SOX6: variants seen among roughly 807,000 people sequenced by gnomAD.
SOX6 encodes transcription factor SOX-6.
A neutral mutation model predicts 97.8 loss-of-function variants in SOX6; 11 were observed. That is an observed-to-expected ratio of 0.11 (90% CI 0.07 to 0.19). SOX6 has a LOEUF of 0.19. Ranked by LOEUF, SOX6 falls within the 10% of genes least tolerant of loss-of-function variation. The pLI, the probability that SOX6 is intolerant of heterozygous loss-of-function variation, is 1.00. For missense variants in SOX6, 810 were observed against 1,039.5 expected, an observed-to-expected ratio of 0.78 and a Z score of 3.04; for synonymous variants, 360 against 371.4, an observed-to-expected ratio of 0.97 and a Z score of 0.35.
At position 16,266,611 on chromosome 11, in the gene SOX6, T is replaced by G. The variant is rs934822292; in HGVS notation, c.446-31940A>C. 2.6e-5 allele frequency among the ~76,000 whole-genome samples: 4 copies of G among 151,710 alleles called. No individual in the cohort carries two copies. In the East Asian group the frequency reaches 7.7e-4, roughly 29 times the overall value. ...TCAATGTATTTTAAGATTTATAAGA[T>G]AAGTAGAATCCAAATGTATAACAAC... On this transcript the variant is annotated intron_variant, in intron 3 of 15. Coordinates refer to ENST00000683767, the MANE Select transcript of SOX6 (RefSeq NM_001367873.1).
At chr11:16,121,741 T>C (rs781743652) in intron 6 of SOX6, among the ~76,000 whole-genome samples, 12 of 152,032 alleles carry the variant, frequency 7.9e-5, no homozygotes, top group Admixed American at 2.0e-4. Flanking sequence ...GGATGATAAA[T>C]GTTAATTAAA....
At chr11:16,388,026 G>T (rs1274217586) in intron 1 of SOX6, among the ~76,000 whole-genome samples, 1 of 152,086 alleles carries the variant, frequency 6.6e-6, no homozygotes, top group Non-Finnish European at 1.5e-5. Context: ...CCTATCTTGG[G>T]AAGAAAGCAT....
At chr11:16,734,215 C>T (rs961064805) in intron 2 of SOX6, among the ~76,000 whole-genome samples, 8 of 152,018 alleles carry the variant, frequency 5.3e-5, no homozygotes, top group African/African-American at 1.9e-4. Flanking sequence ...ATCTGCCTGC[C>T]CAATGGACAG....
intron 1 of SOX6, among the ~76,000 whole-genome samples, chr11:16,469,426 G>A (rs564633476): frequency 1.3e-5 from 2 of 152,206 alleles, no homozygotes; most frequent in East Asian, 3.9e-4. Context: ...TGTTAAGACA[G>A]ACAAAGCAAA....
chr11:16,497,597 A>G (rs1860623309), intron 4 of SOX6, among the ~76,000 whole-genome samples: 1 of 152,184 alleles, frequency 6.6e-6, no homozygotes, highest in Non-Finnish European at 1.5e-5. Context: ...GCTAACTAGA[A>G]TAACCAATGT....
chr11:16,281,283 C>T (rs1327780275), intron 3 of SOX6, among the ~76,000 whole-genome samples: 1 of 151,994 alleles, frequency 6.6e-6, no homozygotes, highest in East Asian at 1.9e-4. Context: ...TGTGTATGGT[C>T]ATTGCTACCC....
chr11:16,371,610 G>A (rs573575871), intron 1 of SOX6, among the ~76,000 whole-genome samples: 1 of 152,096 alleles, frequency 6.6e-6, no homozygotes, highest in East Asian at 1.9e-4. Context: ...AAACACTGTT[G>A]AATAAAATTC....
chr11:16,048,954 T>C (rs1847612745), intron 11 of SOX6, among the ~76,000 whole-genome samples: 1 of 152,284 alleles, frequency 6.6e-6, no homozygotes, highest in African/African-American at 2.4e-5. Flanking sequence ...CACTTATATA[T>C]GTACATGTAT....
chr11:16,365,478 A>T (rs916342737), intron 1 of SOX6, among the ~76,000 whole-genome samples: 1 of 152,132 alleles, frequency 6.6e-6, no homozygotes, highest in African/African-American at 2.4e-5. Flanking sequence ...CACCAACCAC[A>T]AAAACAACAT....
chr11:16,096,145 A>G, intron 8 of SOX6, 27 bp from the exon 9 acceptor site: 1 of 1,609,374 alleles, frequency 6.2e-7, no homozygotes, highest in Admixed American at 1.7e-5. Context: ...TCAGAAAAAA[A>G]AAAAAAGACA....
chr11:16,183,166 C>T (rs1331749771), intron 6 of SOX6, among the ~76,000 whole-genome samples: 2 of 151,938 alleles, frequency 1.3e-5, no homozygotes, highest in African/African-American at 4.8e-5. Flanking sequence ...AAACCATTTT[C>T]CTTGCCTATC....
At position 16,422,864 on chromosome 11, in the gene SOX6, C is replaced by T. The variant is rs567498413; in HGVS notation, c.-5+53451G>A. ...TCATAGTATGTACCATTTTCTGCTG[C>T]TACGACTCTAGTCCAAGCCATCATC... is the stretch of plus-strand genomic sequence containing the variant. On this transcript the variant is annotated intron_variant, in intron 1 of 15. Coordinates refer to the SOX6 transcript ENST00000396356. Among the ~76,000 whole-genome samples the T allele has an allele frequency of 2.0e-5, 3 of 152,300 alleles. No individual in the cohort carries two copies. In the East Asian group the frequency reaches 5.8e-4, roughly 29 times the overall value.
intron 3 of SOX6, among the ~76,000 whole-genome samples, chr11:16,268,923 T>C (rs1854161650): frequency 6.6e-6 from 1 of 151,052 alleles, no homozygotes; most frequent in Non-Finnish European, 1.5e-5. Context: ...ATGCAAATAC[T>C]TTTATTTGTA....
At position 16,613,928 on chromosome 11, in the gene SOX6, G is replaced by GAGA. The variant is rs1422302552; in HGVS notation, n.430-1671_430-1669dup. The stretch of plus-strand genomic sequence containing the variant: ...GGCGACCTCCCGGGACCGCCTGAAA[G>GAGA]AGAAGCAAAGGGAGGGCGCCCTGCG... On this transcript the variant is annotated intron_variant and non_coding_transcript_variant, in intron 3 of 5. Transcript: ENST00000524520. The surrounding 1 kb of genome is among the most constrained non-coding windows in gnomAD (Gnocchi z 4.6). Among the ~76,000 whole-genome samples, 5 of 152,248 alleles carry GAGA rather than the reference G, an allele frequency of 3.3e-5. No homozygotes were observed. Among genetic ancestry groups the GAGA allele is most frequent in the Admixed American group, 2.0e-4 (3 of 15,300 alleles).
intron 3 of SOX6, among the ~76,000 whole-genome samples, chr11:16,260,645 A>G (rs1853860114): frequency 6.6e-6 from 1 of 152,208 alleles, no homozygotes; most frequent in African/African-American, 2.4e-5. Flanking sequence ...TGCTCTAGCT[A>G]GAAGTAAAAT....
chr11:16,377,330 C>A (rs1565120892), intron 1 of SOX6, among the ~76,000 whole-genome samples: 1 of 152,178 alleles, frequency 6.6e-6, no homozygotes, highest in Middle Eastern at 3.4e-3. Context: ...TATCTCAGTT[C>A]CCAGATATGC....
chr11:16,465,355 A>C (rs1860009537), intron 1 of SOX6, among the ~76,000 whole-genome samples: 1 of 152,180 alleles, frequency 6.6e-6, no homozygotes, highest in Non-Finnish European at 1.5e-5. Flanking sequence ...CTGTCCAATG[A>C]GCATACACTT....
intron 4 of SOX6, among the ~76,000 whole-genome samples, chr11:16,517,535 G>A (rs1272772809): frequency 6.6e-6 from 1 of 152,112 alleles, no homozygotes; most frequent in African/African-American, 2.4e-5. Flanking sequence ...ACTCAAAATA[G>A]TACTTTTGCT....
rs529707427 is a variant in SOX6 at position 16,490,246 on chromosome 11, T to A, written n.610-13858A>T. Reference sequence around the variant, plus strand: ...GCATAGCTGTATTCCAATAAAATTTTATTTACAAGAACAGGTAGTGTGCCA... The same window carrying A: ...GCATAGCTGTATTCCAATAAAATTTAATTTACAAGAACAGGTAGTGTGCCA... On this transcript the variant is annotated intron_variant and non_coding_transcript_variant, in intron 4 of 5. Transcript: ENST00000524520. Among the ~76,000 whole-genome samples the A allele has an allele frequency of 2.0e-5, 3 of 152,204 alleles. No homozygotes were observed. The East Asian group carries it at 5.8e-4, about 29-fold the overall frequency.
Sources: gnomAD v4.1 joint callset for allele counts (sites outside exome capture counted in the v4.1 genomes callset) on GRCh38, gnomAD v4.1.1 for gene constraint, Gnocchi (gnomAD v3.1) non-coding constraint, MANE v1.5 for transcripts, NCBI Gene and HGNC (gene_info 2026-07-23, HGNC 2026-07-21) for gene names.